Variants in DAZAP1 observed in about 807,000 individuals in gnomAD.
DAZAP1 encodes DAZ associated protein 1.
In DAZAP1, 6 loss-of-function variants were observed where a neutral mutation model predicts 60.1. That is an observed-to-expected ratio of 0.10 (90% CI 0.05 to 0.20). The LOEUF is 0.20. DAZAP1 is among the 10% of genes least tolerant of loss of function. The pLI, the probability that DAZAP1 is intolerant of heterozygous loss-of-function variation, is 1.00. For synonymous variants in DAZAP1, 235 were observed against 215.9 expected (o/e 1.09, Z -0.78); for missense variants, 366 against 560.4 (o/e 0.65, Z 3.50).
chr19:1,422,153 G>A lies in DAZAP1; in HGVS notation c.415-195G>A, dbSNP rs2083175635. Among the ~76,000 whole-genome samples the A allele has an allele frequency of 1.3e-5, 2 of 152,352 alleles. No individual in the cohort carries two copies. Among genetic ancestry groups the A allele is most frequent in the Non-Finnish European group, 1.5e-5 (1 of 68,028 alleles). On this transcript the variant is annotated intron_variant, in intron 5 of 11. Coordinates refer to ENST00000233078, the MANE Select transcript of DAZAP1 (RefSeq NM_018959.4). This position sits in a 1 kb window ranked among gnomAD's most constrained non-coding sequence, Gnocchi z 4.5. Reference sequence around the variant, plus strand: ...GAGCTGCTTCTCCCTGCCTGCGTCTGGCCCTGGGAGTGTTGGGGCTCCAGC... The same window carrying A: ...GAGCTGCTTCTCCCTGCCTGCGTCTAGCCCTGGGAGTGTTGGGGCTCCAGC...
Position 1,430,226 on chromosome 19 carries a change from C to G in DAZAP1, c.735C>G (p.Gly245=). 6.3e-7 allele frequency: 1 copy of G among 1,584,318 alleles called. No homozygotes were observed. Among genetic ancestry groups the G allele is most frequent in the Non-Finnish European group, 8.6e-7 (1 of 1,165,166 alleles). ...CCCCCGTACTGTGTGTTTCAGGTGGCTATGGACCGCCCCCTGCAGGAAGAG... is the reference window on the plus strand; with the variant it reads ...CCCCCGTACTGTGTGTTTCAGGTGGGTATGGACCGCCCCCTGCAGGAAGAG... The part of the protein sequence containing the change: ...MWVPAGQAIG[G]YGPPPAGRGA... Residue 245 remains glycine (G), a synonymous_variant, in exon 10 of 12, where the codon GGC becomes GGG. Coordinates refer to ENST00000233078, the MANE Select transcript of DAZAP1 (RefSeq NM_018959.4).
At position 1,422,521 on chromosome 19, in the gene DAZAP1, G is replaced by A. The variant is rs1250036829; in HGVS notation, c.463+125G>A. The A allele has an allele frequency of 2.4e-6, 2 of 827,796 alleles. No homozygotes were observed. Among genetic ancestry groups the A allele is most frequent in the Non-Finnish European group, 3.9e-6 (2 of 513,042 alleles). 51.3% of individuals were successfully genotyped at this position (827,796 alleles called of 1,614,324 possible). A position where few individuals can be genotyped will look rare whatever the true frequency, so the allele number is the denominator to read the frequency against. On this transcript the variant is annotated intron_variant, in intron 6 of 11. Transcript: ENST00000233078. The surrounding 1 kb of genome is among the most constrained non-coding windows in gnomAD (Gnocchi z 4.5). Reference sequence around the variant, plus strand: ...AACAGCCTCAGGAAGGGACGATTTGGAGACAAATGACTAAAACGTGGGCTC... The same window carrying A: ...AACAGCCTCAGGAAGGGACGATTTGAAGACAAATGACTAAAACGTGGGCTC...
chr19:1,423,716 T>C lies in DAZAP1; in HGVS notation c.463+1320T>C, dbSNP rs563843715. Among the ~76,000 whole-genome samples the C allele has an allele frequency of 6.6e-6, 1 of 152,388 alleles. No homozygotes were observed. Among genetic ancestry groups the C allele is most frequent in the East Asian group, 1.9e-4 (1 of 5,190 alleles). The stretch of plus-strand genomic sequence containing the variant: ...AAATACGTTGTTTCATCACCGATGC[T>C]GTGTTCCAATACTGCCTCTGATCTT... On this transcript the variant is annotated intron_variant, in intron 6 of 11. Transcript: ENST00000233078. This position sits in a 1 kb window ranked among gnomAD's most constrained non-coding sequence, Gnocchi z 6.8.
chr19:1,418,164 G>T lies in DAZAP1; in HGVS notation c.71-40G>T, dbSNP rs2083043757. The T allele has an allele frequency of 1.2e-6, 2 of 1,610,878 alleles. No individual in the cohort carries two copies. The highest frequency in any genetic ancestry group is 1.7e-6 in the Non-Finnish European group (2 of 1,177,642). Reference sequence around the variant, plus strand: ...CTGCCAGGCACGTGCCTAATGCTCTGGCCCTGTGTGTTTGTGTTTTCTTCC... The same window carrying T: ...CTGCCAGGCACGTGCCTAATGCTCTTGCCCTGTGTGTTTGTGTTTTCTTCC... On this transcript the variant is annotated intron_variant, in intron 2 of 11. Transcript: ENST00000233078. The surrounding 1 kb of genome is among the most constrained non-coding windows in gnomAD (Gnocchi z 5.7).
At position 1,413,535 on chromosome 19, in the gene DAZAP1, C is replaced by T. The variant is rs538818738; in HGVS notation, c.30-3965C>T. 2.3e-3 allele frequency among the ~76,000 whole-genome samples: 345 copies of T among 152,384 alleles called. 4 individuals carry two copies. The highest frequency in any genetic ancestry group is 8.0e-3 in the African/African-American group (334 of 41,602). ...TCCGGGACTTCCCGGAGGCTTCTGTCTGTAGACCAGGGAGAAGGTGTTCGC... is the reference window on the plus strand; with the variant it reads ...TCCGGGACTTCCCGGAGGCTTCTGTTTGTAGACCAGGGAGAAGGTGTTCGC... On this transcript the variant is annotated intron_variant, in intron 1 of 11. Transcript: ENST00000233078.
chr19:1,412,760 A>T (rs1488164098), intron 1 of DAZAP1, among the ~76,000 whole-genome samples: 1 of 152,214 alleles, frequency 6.6e-6, no homozygotes, highest in East Asian at 1.9e-4. Context: ...AACAGGCAGA[A>T]GAGGGTGGCT....
Position 1,432,288 on chromosome 19 carries a change from G to A in DAZAP1, c.872-226G>A. 1.7e-6 allele frequency: 1 copy of A among 572,382 alleles called. No homozygotes were observed. Among genetic ancestry groups the A allele is most frequent in the Non-Finnish European group, 3.1e-6 (1 of 323,296 alleles). The allele number at this position is 572,382 out of a possible 1,614,324, so 35.5% of individuals were successfully genotyped here. A position where few individuals can be genotyped will look rare whatever the true frequency, so the allele number is the denominator to read the frequency against. On this transcript the variant is annotated intron_variant, in intron 10 of 11. Transcript: ENST00000233078. This position sits in a 1 kb window ranked among gnomAD's most constrained non-coding sequence, Gnocchi z 4.9. ...TGAGGAACGAGGTGGCCCTGCTGCA[G>A]CTCAGCATCCCGCCACGCTCCCAGG...
chr19:1,429,058 T>C (rs2083375321), intron 8 of DAZAP1, 63 bp downstream of exon 8: 1 of 1,488,314 alleles, frequency 6.7e-7, no homozygotes, highest in Non-Finnish European at 8.9e-7. Flanking sequence ...CCGCGCGCCC[T>C]GGGCTGTGCC....
chr19:1,414,833 T>A (rs77830991), intron 1 of DAZAP1, among the ~76,000 whole-genome samples: 14 of 152,054 alleles, frequency 9.2e-5, no homozygotes, highest in East Asian at 3.9e-4. Context: ...ATTTTTTTTT[T>A]AATTTTATTT....
Position 1,417,509 on chromosome 19 carries a change from C to T in DAZAP1, c.39C>T (p.Phe13=), listed in dbSNP as rs138047480. ...TCTCATTGAATCGCAGGAAGCTCTTCGTGGGCGGTCTTGACTGGAGCACGA... is the reference window on the plus strand; with the variant it reads ...TCTCATTGAATCGCAGGAAGCTCTTTGTGGGCGGTCTTGACTGGAGCACGA... The part of the protein sequence containing the change: ...NSGADEIGKL[F]VGGLDWSTTQ... The change falls in exon 2 of 12, where the codon TTC becomes TTT. Residue 13 remains phenylalanine (F), a synonymous_variant. Transcript: ENST00000233078. The T allele has an allele frequency of 2.1e-3, 3,295 of 1,605,940 alleles. 11 individuals carry two copies. The highest frequency in any genetic ancestry group is 2.3e-3 in the Non-Finnish European group (2,753 of 1,176,544).
intron 2 of DAZAP1, 96 bp downstream of exon 2, chr19:1,417,636 T>TATTTTAAAGTCCTTTTGACGTTGTTCTG: frequency 8.6e-7 from 1 of 1,160,938 alleles, no homozygotes; most frequent in Non-Finnish European, 1.2e-6. Context: ...CTGTCTTGGA[T>TATTTTAAAGTCCTTTTGACGTTGTTCTG]ATTTTAAAGT....
chr19:1,415,351 T>TTTG lies in DAZAP1; in HGVS notation c.30-2148_30-2147insTGT, dbSNP rs777866840. 4.3e-5 allele frequency among the ~76,000 whole-genome samples: 3 copies of TTTG among 69,942 alleles called. No individual in the cohort carries two copies. In the East Asian group the frequency reaches 1.2e-3, roughly 28 times the overall value. The allele number at this position is 69,942 out of a possible 152,430, so 45.9% of individuals were successfully genotyped here. A position where few individuals can be genotyped will look rare whatever the true frequency, so the allele number is the denominator to read the frequency against. On this transcript the variant is annotated intron_variant, in intron 1 of 11. Transcript: ENST00000233078. The stretch of plus-strand genomic sequence containing the variant: ...TGGATTTGGTTTGGTTTTCAGGGTT[T>TTTG]TATGTGTGTGTGTGTGTGTGTGTGT...
At chr19:1,408,206 C>A (rs1013683595) in intron 1 of DAZAP1, among the ~76,000 whole-genome samples, 20 of 151,784 alleles carry the variant, frequency 1.3e-4, no homozygotes, top group African/African-American at 4.6e-4. Context: ...GGTTCAGGGG[C>A]CCCCGCCGCC....
chr19:1,417,445 G>T (rs2083019833), intron 1 of DAZAP1, 55 bp from the exon 2 acceptor site: 8 of 1,561,814 alleles, frequency 5.1e-6, no homozygotes, highest in African/African-American at 2.7e-5. Context: ...TTGGATGGGG[G>T]CATTTCTAAG....
rs769087808 is a variant in DAZAP1, at chr19:1,422,301, G to T, written c.415-47G>T. 1 of 1,586,520 alleles carries T rather than the reference G, an allele frequency of 6.3e-7. No individual in the cohort carries two copies. ...AGGCTGTGCCCTCGGAAGACCACCTGTGGTGCTGGCCCTGGTGTCCGTGCT... is the reference window on the plus strand; with the variant it reads ...AGGCTGTGCCCTCGGAAGACCACCTTTGGTGCTGGCCCTGGTGTCCGTGCT... On this transcript the variant is annotated intron_variant, in intron 5 of 11. Transcript: ENST00000233078. This position sits in a 1 kb window ranked among gnomAD's most constrained non-coding sequence, Gnocchi z 4.5.
chr19:1,418,719 G>A lies in DAZAP1; in HGVS notation c.291G>A (p.Pro97=), dbSNP rs200931393. The A allele has an allele frequency of 4.5e-4, 729 of 1,611,328 alleles. 1 individual carries two copies. Among genetic ancestry groups the A allele is most frequent in the Non-Finnish European group, 5.7e-4 (674 of 1,178,646 alleles). The change falls in exon 4 of 12, where the codon CCG becomes CCA. Residue 97 remains proline, a synonymous_variant. Transcript: ENST00000233078. This position sits in a 1 kb window ranked among gnomAD's most constrained non-coding sequence, Gnocchi z 5.7. ...PRGMQPERTR[P]KEGWQKGPRS... ...GGATGCAGCCGGAGAGAACACGGCC[G>A]AAGGAAGGATGGGTAAGGGGCTGGG...
Position 1,421,093 on chromosome 19 carries a change from C to T in DAZAP1, c.304-55C>T, listed in dbSNP as rs906111090. ...TGGCCTTTATGTCCTCCGCAGCTCGCGGGAGGGTTTGGAGGGTTCCCGTGT... is the reference window on the plus strand; with the variant it reads ...TGGCCTTTATGTCCTCCGCAGCTCGTGGGAGGGTTTGGAGGGTTCCCGTGT... On this transcript the variant is annotated intron_variant, in intron 4 of 11. Transcript: ENST00000233078. 22 of 1,532,294 alleles carry T rather than the reference C, an allele frequency of 1.4e-5. No homozygotes were observed. In the Admixed American group the frequency reaches 2.0e-4, roughly 14 times the overall value. 94.9% of individuals were successfully genotyped at this position (1,532,294 alleles called of 1,614,324 possible).
At chr19:1,409,857 G>C (rs576904144) in intron 1 of DAZAP1, 2 of 152,422 alleles carry the variant, frequency 1.3e-5, no homozygotes, top group Non-Finnish European at 2.9e-5. Flanking sequence ...TACCCACTGG[G>C]GGGGCTCGGC....
At chr19:1,420,886 C>G (rs1023139745) in intron 4 of DAZAP1, among the ~76,000 whole-genome samples, 1 of 152,224 alleles carries the variant, frequency 6.6e-6, no homozygotes, top group Non-Finnish European at 1.5e-5. Context: ...AGGCAAGGCA[C>G]GCACTGTGTC....
Sources: gnomAD v4.1 joint callset for allele counts (sites outside exome capture counted in the v4.1 genomes callset) on GRCh38, gnomAD v4.1.1 for gene constraint, Gnocchi (gnomAD v3.1) non-coding constraint, MANE v1.5 for transcripts, NCBI Gene and HGNC (gene_info 2026-07-23, HGNC 2026-07-21) for gene names.